The following RNF10 variants were observed in gnomAD, a reference collection of about 807,000 sequenced individuals.
The protein encoded by RNF10 is E3 ubiquitin-protein ligase RNF10.
In RNF10, 38 loss-of-function variants were observed where a neutral mutation model predicts 91.4. The observed-to-expected ratio is 0.42, with a 90% CI of 0.32 to 0.54. The LOEUF (loss-of-function observed/expected upper bound fraction) is 0.54. RNF10 is among the 20% of genes least tolerant of loss of function. RNF10 has a pLI of 0.16. For synonymous variants in RNF10, 364 were observed against 366.3 expected (o/e 0.99, Z 0.07); for missense variants, 945 against 1,012.0 (o/e 0.93, Z 0.90).
chr12:120,563,290 A>G (rs752240070), intron 8 of RNF10, 57 bp from the exon 9 acceptor site: 68 of 1,558,990 alleles, frequency 4.4e-5, no homozygotes, highest in Non-Finnish European at 5.6e-5. Context: ...CATTTGCCAC[A>G]TTGCTTTCGG....
At chr12:120,562,799 T>C (rs773718834) in intron 7 of RNF10, 146 bp from the exon 8 acceptor site, 6 of 858,272 alleles carry the variant, frequency 7.0e-6, no homozygotes, top group Non-Finnish European at 1.1e-5. Context: ...AAAGTTGAGA[T>C]ATTTAAGCAC....
intron 1 of RNF10, among the ~76,000 whole-genome samples, chr12:120,544,831 C>A (rs1363333523): frequency 6.6e-6 from 1 of 152,086 alleles, no homozygotes; most frequent in Non-Finnish European, 1.5e-5. Context: ...TAAAGAGACT[C>A]CCAATGGTAT....
rs113139244 is a variant in RNF10 at position 120,534,783 on chromosome 12, G to T, written c.-29G>T. 2.6e-6 allele frequency: 4 copies of T among 1,542,582 alleles called. No homozygotes were observed. The highest frequency in any genetic ancestry group is 1.7e-4 in the Middle Eastern group (1 of 5,902). On this transcript the variant is annotated 5_prime_UTR_variant, in exon 1 of 17. Coordinates refer to ENST00000325954, the MANE Select transcript of RNF10 (RefSeq NM_014868.5). ...GTCCCCGCCGCGCCCGCTCCGCTCC[G>T]ACTGCCGTCGCCGCCGAGGCCCCCG...
In RNF10 at chr12:120,534,530, C is replaced by G. The variant is rs11542860; in HGVS notation, c.-282C>G. ...GGCCGGCGGGGCTCGCGCAACCTCCCTCGCCTCCCCTTCCCCCGCAGCCTC... is the reference window on the plus strand; with the variant it reads ...GGCCGGCGGGGCTCGCGCAACCTCCGTCGCCTCCCCTTCCCCCGCAGCCTC... On this transcript the variant is annotated 5_prime_UTR_variant, in exon 1 of 17. Transcript: ENST00000325954. 4,872 of 428,142 alleles carry G rather than the reference C, an allele frequency of 0.011. 53 individuals carry two copies. The highest frequency in any genetic ancestry group is 0.014 in the Non-Finnish European group (3,790 of 278,000). The allele number at this position is 428,142 out of a possible 1,614,324, so 26.5% of individuals were successfully genotyped here. A position where few individuals can be genotyped will look rare whatever the true frequency, so the allele number is the denominator to read the frequency against.
rs141319399 is a variant in RNF10 at position 120,561,942 on chromosome 12, T to C, written c.1129-1003T>C. On this transcript the variant is annotated intron_variant, in intron 7 of 16. Coordinates refer to ENST00000325954, the MANE Select transcript of RNF10 (RefSeq NM_014868.5). ...GTTTGTAAAAACTAGGTTAGTTTCA[T>C]GTTCTTAGATTTCTGTTCTGGAAGT... Among the ~76,000 whole-genome samples the C allele has an allele frequency of 1.3e-3, 194 of 152,290 alleles. 3 individuals are homozygous for C. The highest frequency in any genetic ancestry group is 8.8e-3 in the Admixed American group (135 of 15,292).
intron 11 of RNF10, 104 bp downstream of exon 11, chr12:120,565,293 T>G: frequency 8.9e-7 from 1 of 1,122,190 alleles, no homozygotes; most frequent in East Asian, 2.3e-5. Flanking sequence ...TCATGAGTCT[T>G]AGTACCTCCT....
chr12:120,540,807 A>G (rs960455999), intron 1 of RNF10, among the ~76,000 whole-genome samples: 2 of 152,018 alleles, frequency 1.3e-5, no homozygotes, highest in East Asian at 3.9e-4. Context: ...GTGTGGTAAT[A>G]AGTGAAGAAA....
chr12:120,537,471 A>G (rs1318419465), intron 1 of RNF10, among the ~76,000 whole-genome samples: 1 of 152,084 alleles, frequency 6.6e-6, no homozygotes, highest in African/African-American at 2.4e-5. Context: ...TACTAAAAGT[A>G]CAAAAAATTA....
intron 1 of RNF10, among the ~76,000 whole-genome samples, chr12:120,544,403 A>G (rs1245518997): frequency 1.3e-5 from 2 of 152,064 alleles, no homozygotes; most frequent in African/African-American, 2.4e-5. Flanking sequence ...CATGCCTATA[A>G]TACCAGCACT....
rs993682830 is a variant in RNF10, at chr12:120,577,331, G to A, written c.*665G>A. On this transcript the variant is annotated 3_prime_UTR_variant, in exon 17 of 17. Coordinates refer to ENST00000325954, the MANE Select transcript of RNF10 (RefSeq NM_014868.5). ...GGAAAGCTGTAACTCACGAAGCCCT[G>A]AGACCTGCTACCCCTAAGATCGAGC... 2 of 372,322 alleles carry A rather than the reference G, an allele frequency of 5.4e-6. No homozygotes were observed. The highest frequency in any genetic ancestry group is 4.3e-5 in the African/African-American group (2 of 46,150). 23.1% of individuals were successfully genotyped at this position (372,322 alleles called of 1,614,324 possible).
At chr12:120,554,674 T>C in intron 3 of RNF10, 44 bp from the exon 4 acceptor site, 1 of 1,433,670 alleles carries the variant, frequency 7.0e-7, no homozygotes, top group Non-Finnish European at 9.8e-7. Flanking sequence ...GGTTTATTGG[T>C]AGATCCTGAC....
At position 120,566,807 on chromosome 12, in the gene RNF10, G is replaced by T; in HGVS notation, c.1886-18G>T. On this transcript the variant is annotated intron_variant, in intron 12 of 16. Coordinates refer to ENST00000325954, the MANE Select transcript of RNF10 (RefSeq NM_014868.5). ...GAATTCTGTAAATGGGTTTACAAGGGTTATCTTTCCTTTGCAGACCCAGAA... is the reference window on the plus strand; with the variant it reads ...GAATTCTGTAAATGGGTTTACAAGGTTTATCTTTCCTTTGCAGACCCAGAA... 4 of 1,603,712 alleles carry T rather than the reference G, an allele frequency of 2.5e-6. No individual in the cohort carries two copies. Among genetic ancestry groups the T allele is most frequent in the Non-Finnish European group, 3.4e-6 (4 of 1,175,904 alleles).
intron 1 of RNF10, 90 bp downstream of exon 1, chr12:120,535,058 A>G (rs1029237312): frequency 2.2e-6 from 3 of 1,377,184 alleles, no homozygotes; most frequent in Non-Finnish European, 2.9e-6. Flanking sequence ...ACTCGGGGAC[A>G]GGCTCCACTT....
intron 1 of RNF10, among the ~76,000 whole-genome samples, chr12:120,536,093 AG>A (rs1252909377): frequency 6.6e-6 from 1 of 152,150 alleles, no homozygotes; most frequent in Non-Finnish European, 1.5e-5. Context: ...CTAAATGTGG[AG>A]GTCCAGTTTA....
chr12:120,561,194 TG>T (rs1291361519), intron 7 of RNF10, among the ~76,000 whole-genome samples: 3 of 152,218 alleles, frequency 2.0e-5, no homozygotes, highest in Non-Finnish European at 4.4e-5. Flanking sequence ...AGATTAGCTA[TG>T]TTCTTAAAGC....
chr12:120,553,139 G>A (rs1230989445), intron 3 of RNF10, among the ~76,000 whole-genome samples: 4 of 118,362 alleles, frequency 3.4e-5, no homozygotes, highest in South Asian at 3.0e-4. Context: ...GCTAGAGTGC[G>A]GTGGCGTGAT....
chr12:120,562,190 A>C (rs1277008624), intron 7 of RNF10, among the ~76,000 whole-genome samples: 1 of 146,732 alleles, frequency 6.8e-6, no homozygotes, highest in African/African-American at 2.5e-5. Flanking sequence ...GTTCCCCTCT[A>C]TGTGTCCATG....
At chr12:120,540,528 A>G (rs1871397931) in intron 1 of RNF10, among the ~76,000 whole-genome samples, 1 of 152,170 alleles carries the variant, frequency 6.6e-6, no homozygotes, top group Non-Finnish European at 1.5e-5. Flanking sequence ...TTCAAAAATA[A>G]TACTCTGAAT....
chr12:120,534,785 C>T lies in RNF10; in HGVS notation c.-27C>T. 6.5e-7 allele frequency: 1 copy of T among 1,544,538 alleles called. No homozygotes were observed. Among genetic ancestry groups the T allele is most frequent in the Non-Finnish European group, 8.7e-7 (1 of 1,152,644 alleles). On this transcript the variant is annotated 5_prime_UTR_variant, in exon 1 of 17. Transcript: ENST00000325954. ...CCCCGCCGCGCCCGCTCCGCTCCGA[C>T]TGCCGTCGCCGCCGAGGCCCCCGTT...
Sources: allele counts gnomAD v4.1 joint callset (sites outside exome capture counted in the v4.1 genomes callset), GRCh38; gene constraint gnomAD v4.1.1; transcripts MANE v1.5; gene names NCBI Gene and HGNC (gene_info 2026-07-23, HGNC 2026-07-21).